The following RABGAP1L variants were observed in gnomAD, a reference collection of about 807,000 sequenced individuals.
RABGAP1L encodes rab GTPase-activating protein 1-like.
A neutral mutation model predicts 137.7 loss-of-function variants in RABGAP1L; 63 were observed. The ratio of observed to expected loss-of-function variants is 0.46; its 90% CI spans 0.37 to 0.56. RABGAP1L has a LOEUF of 0.56. RABGAP1L is among the 20% of genes least tolerant of loss of function. The pLI is 0.00. For missense variants in RABGAP1L, 1,095 were observed against 1,244.0 expected (o/e 0.88, Z 1.80); for synonymous variants, 431 against 433.7 (o/e 0.99, Z 0.08).
chr1:174,636,835 A>T (rs1674085371), intron 13 of RABGAP1L, among the ~76,000 whole-genome samples: 1 of 152,190 alleles, frequency 6.6e-6, no homozygotes, highest in Admixed American at 6.5e-5. Context: ...AACCTCAAGG[A>T]ATTTATCCTT....
intron 13 of RABGAP1L, among the ~76,000 whole-genome samples, chr1:174,625,059 A>G (rs1672844230): frequency 1.3e-5 from 2 of 151,910 alleles, no homozygotes; most frequent in South Asian, 2.1e-4. Context: ...TTTTTAGTAG[A>G]GACGGGGTTT....
intron 11 of RABGAP1L, among the ~76,000 whole-genome samples, chr1:174,369,710 A>G (rs542183915): frequency 6.6e-6 from 1 of 152,306 alleles, no homozygotes; most frequent in South Asian, 2.1e-4. Context: ...TGTTATTTTC[A>G]TGATGAACTT....
At chr1:174,182,699 C>G (rs543818662) in intron 1 of RABGAP1L, among the ~76,000 whole-genome samples, 2 of 152,176 alleles carry the variant, frequency 1.3e-5, no homozygotes, top group Non-Finnish European at 2.9e-5. Flanking sequence ...CCATCCTATC[C>G]TCTCTCCCCA....
chr1:174,967,049 A>G (rs1176175796), intron 20 of RABGAP1L, among the ~76,000 whole-genome samples: 1 of 152,138 alleles, frequency 6.6e-6, no homozygotes, highest in Non-Finnish European at 1.5e-5. Context: ...CACTACCTAC[A>G]GTTAATATTG....
intron 13 of RABGAP1L, among the ~76,000 whole-genome samples, chr1:174,578,889 G>T (rs1180755787): frequency 6.6e-6 from 1 of 151,882 alleles, no homozygotes; most frequent in African/African-American, 2.4e-5. Context: ...GAACAGTTAG[G>T]TCTCCCTTAG....
chr1:174,437,471 G>A lies in RABGAP1L; in HGVS notation c.1710+43326G>A, dbSNP rs1285996795. Among the ~76,000 whole-genome samples the A allele has an allele frequency of 2.0e-5, 3 of 152,098 alleles. No homozygotes were observed. In the East Asian group the frequency reaches 5.8e-4, roughly 29 times the overall value. ...ATCAACTGGAAGAAAGGGTATCAGC[G>A]ATGGAAGACGAAATGAATAAAATGA... On this transcript the variant is annotated intron_variant, in intron 13 of 25. Coordinates refer to ENST00000681986, the MANE Select transcript of RABGAP1L (RefSeq NM_001366446.1).
At chr1:174,857,468 A>G (rs1649513414) in intron 19 of RABGAP1L, among the ~76,000 whole-genome samples, 1 of 152,224 alleles carries the variant, frequency 6.6e-6, no homozygotes, top group East Asian at 1.9e-4. Context: ...GCATTAGATA[A>G]TAATCTCTAA....
chr1:174,550,782 G>A (rs1399444315), intron 13 of RABGAP1L, among the ~76,000 whole-genome samples: 1 of 147,116 alleles, frequency 6.8e-6, no homozygotes, highest in Non-Finnish European at 1.5e-5. Context: ...CACTTTGGGA[G>A]GCCAAGGCAG....
At chr1:174,245,403 A>G (rs992976918) in intron 5 of RABGAP1L, 1 of 152,052 alleles carries the variant, frequency 6.6e-6, no homozygotes, top group Non-Finnish European at 1.5e-5. Flanking sequence ...GTATTTATTT[A>G]ATTGTTATGT....
At chr1:174,380,088 A>T (rs1294016982) in intron 12 of RABGAP1L, among the ~76,000 whole-genome samples, 1 of 149,046 alleles carries the variant, frequency 6.7e-6, no homozygotes, top group Admixed American at 6.7e-5. Context: ...GCTGGATTAC[A>T]TTTATTGATT....
intron 13 of RABGAP1L, among the ~76,000 whole-genome samples, chr1:174,570,510 C>G (rs1013686190): frequency 6.6e-6 from 1 of 151,958 alleles, no homozygotes; most frequent in African/African-American, 2.4e-5. Flanking sequence ...ACACTGGGGA[C>G]TGCTGGAGAG....
At chr1:174,162,771 CTTTCTGTT>C (rs1664585694) in intron 1 of RABGAP1L, among the ~76,000 whole-genome samples, 6 of 40,764 alleles carry the variant, frequency 1.5e-4, no homozygotes, top group Non-Finnish European at 2.0e-4. Context: ...TTTTTTTTCT[CTTTCTGTT>C]TTTTTTTTTT....
chr1:174,712,964 C>T (rs1245549940), intron 17 of RABGAP1L, among the ~76,000 whole-genome samples: 2 of 152,126 alleles, frequency 1.3e-5, no homozygotes, highest in Admixed American at 6.5e-5. Context: ...GGGGGCATGG[C>T]GGACCAGGGT....
At chr1:174,219,403 A>G in intron 2 of RABGAP1L, 108 bp downstream of exon 2, 1 of 757,984 alleles carries the variant, frequency 1.3e-6, no homozygotes, top group South Asian at 3.3e-5. Context: ...CTTTCAAAAT[A>G]AAATCAATGT....
chr1:174,472,505 G>A (rs571267365), intron 13 of RABGAP1L, among the ~76,000 whole-genome samples: 2 of 152,234 alleles, frequency 1.3e-5, no homozygotes, highest in South Asian at 4.1e-4. Context: ...TATTTATTAC[G>A]GTGAAAAGAT....
chr1:174,324,413 G>T (rs952111574), intron 11 of RABGAP1L, among the ~76,000 whole-genome samples: 2 of 152,106 alleles, frequency 1.3e-5, no homozygotes, highest in Non-Finnish European at 2.9e-5. Flanking sequence ...AATGAGATAG[G>T]AAACACAGGG....
At chr1:174,328,400 CTG>C in intron 11 of RABGAP1L, among the ~76,000 whole-genome samples, 1 of 152,096 alleles carries the variant, frequency 6.6e-6, no homozygotes, top group South Asian at 2.1e-4. Context: ...AGTTTAGAAA[CTG>C]TACAGATGCA....
intron 1 of RABGAP1L, among the ~76,000 whole-genome samples, chr1:174,207,486 G>A (rs915896533): frequency 6.6e-6 from 1 of 152,200 alleles, no homozygotes; most frequent in Non-Finnish European, 1.5e-5. Context: ...GTTTTGGAAT[G>A]TAGGTCAGGA....
At chr1:174,674,759 A>C (rs192135437) in intron 14 of RABGAP1L, among the ~76,000 whole-genome samples, 8 of 151,748 alleles carry the variant, frequency 5.3e-5, no homozygotes, top group Admixed American at 5.2e-4. Flanking sequence ...GTTGTTTCCT[A>C]ACTTTTTAAT....
Sources: allele counts gnomAD v4.1 joint callset (sites outside exome capture counted in the v4.1 genomes callset), GRCh38; gene constraint gnomAD v4.1.1; transcripts MANE v1.5; gene names NCBI Gene and HGNC (gene_info 2026-07-23, HGNC 2026-07-21).